The following SSBP2 variants were observed in gnomAD, a reference collection of about 807,000 sequenced individuals.
The protein encoded by SSBP2 is single stranded DNA binding protein 2, also known as single-stranded DNA-binding protein 2.
SSBP2 carries 17 observed loss-of-function variants against 61.8 expected under a neutral mutation model. The ratio of observed to expected loss-of-function variants is 0.28; its 90% confidence interval spans 0.19 to 0.41. The LOEUF is 0.41. Among genes scored for constraint, SSBP2 ranks in the 10% least tolerant of loss-of-function variants. The probability of loss-of-function intolerance (pLI) is 1.00; values close to 1 mark genes in which losing one functional copy is unlikely to be tolerated. For synonymous variants in SSBP2, 139 were observed against 141.3 expected (o/e 0.98, Z 0.12); for missense variants, 310 against 458.7 (o/e 0.68, Z 2.96).
At chr5:81,487,751 C>T (rs1185283359) in intron 6 of SSBP2, among the ~76,000 whole-genome samples, 1 of 151,394 alleles carries the variant, frequency 6.6e-6, no homozygotes, top group Non-Finnish European at 1.5e-5. Context: ...ATGCTTTATT[C>T]TAGATTCCCA....
At chr5:81,622,402 T>C (rs1269060637) in intron 3 of SSBP2, among the ~76,000 whole-genome samples, 2 of 152,180 alleles carry the variant, frequency 1.3e-5, no homozygotes, top group African/African-American at 2.4e-5. Flanking sequence ...GGAAGGTAGA[T>C]TAAGACAAGT....
At chr5:81,523,390 G>T (rs1254176879) in intron 4 of SSBP2, among the ~76,000 whole-genome samples, 3 of 152,082 alleles carry the variant, frequency 2.0e-5, no homozygotes, top group African/African-American at 7.2e-5. Context: ...TAGATAACAA[G>T]AAAGAGTGTA....
At chr5:81,584,531 T>C (rs28416701) in intron 4 of SSBP2, among the ~76,000 whole-genome samples, 14,739 of 152,148 alleles carry the variant, frequency 0.097, 1,415 homozygotes, top group African/African-American at 0.25. Flanking sequence ...CTTATAAAAG[T>C]TGCTCTCCAA....
chr5:81,424,425 A>G (rs1761821859), intron 16 of SSBP2, among the ~76,000 whole-genome samples: 1 of 151,642 alleles, frequency 6.6e-6, no homozygotes. Context: ...CTCTAGTCTC[A>G]AAAATACATA....
chr5:81,528,460 G>C (rs1357107465), intron 4 of SSBP2, among the ~76,000 whole-genome samples: 1 of 151,984 alleles, frequency 6.6e-6, no homozygotes, highest in African/African-American at 2.4e-5. Flanking sequence ...TCAATGTTAA[G>C]TTATGAACAT....
intron 10 of SSBP2, among the ~76,000 whole-genome samples, chr5:81,451,169 C>G (rs534624056): frequency 6.6e-6 from 1 of 152,286 alleles, no homozygotes; most frequent in East Asian, 1.9e-4. Context: ...GAATATTTAA[C>G]AATGGACTCT....
intron 3 of SSBP2, among the ~76,000 whole-genome samples, chr5:81,631,477 GA>G (rs767588950): frequency 0.017 from 2,094 of 125,334 alleles, 38 homozygotes; most frequent in African/African-American, 0.052. Flanking sequence ...AGAAGAAATG[GA>G]AAAAAAAAAA....
chr5:81,673,749 A>T (rs1039647131), intron 1 of SSBP2, among the ~76,000 whole-genome samples: 2 of 152,220 alleles, frequency 1.3e-5, no homozygotes, highest in African/African-American at 2.4e-5. Flanking sequence ...GCTTGGTCTT[A>T]TTTCACATGG....
chr5:81,667,363 C>G (rs985144255), intron 1 of SSBP2, among the ~76,000 whole-genome samples: 2 of 150,818 alleles, frequency 1.3e-5, no homozygotes, highest in East Asian at 3.9e-4. Flanking sequence ...GGTTCCTTTA[C>G]TAGAGCAGGC....
rs1406983631 is a variant in SSBP2, at chr5:81,609,269, CAGCTT to C, written c.282+6199_282+6203del. On this transcript the variant is annotated intron_variant, in intron 4 of 16. Coordinates refer to ENST00000320672, the MANE Select transcript of SSBP2 (RefSeq NM_012446.5). ...ATTTTTCTACTCTAGTTAAACAGCTCAGCTTAGTGTTCCTTAAATATACCTTATAT... is the reference window on the plus strand; with the variant it reads ...ATTTTTCTACTCTAGTTAAACAGCTCAGTGTTCCTTAAATATACCTTATAT... Among the ~76,000 whole-genome samples the C allele has an allele frequency of 2.4e-4, 37 of 152,192 alleles. 1 individual carries two copies. The highest frequency in any genetic ancestry group is 2.4e-3 in the Admixed American group (37 of 15,282).
At chr5:81,640,047 T>A (rs972518463) in intron 2 of SSBP2, among the ~76,000 whole-genome samples, 22 of 152,142 alleles carry the variant, frequency 1.4e-4, no homozygotes, top group African/African-American at 4.6e-4. Context: ...ATAAGAGAAA[T>A]TTTTTGAAGA....
chr5:81,505,298 T>C (rs1768096057), intron 5 of SSBP2, among the ~76,000 whole-genome samples: 1 of 152,206 alleles, frequency 6.6e-6, no homozygotes, highest in Admixed American at 6.5e-5. Context: ...TATCTGGCCT[T>C]TCACAGGAAA....
At chr5:81,688,136 G>A (rs1179763546) in intron 1 of SSBP2, among the ~76,000 whole-genome samples, 2 of 152,170 alleles carry the variant, frequency 1.3e-5, no homozygotes, top group Non-Finnish European at 2.9e-5. Flanking sequence ...GCAGTAGCCA[G>A]GCAGTATTCA....
chr5:81,586,489 GAAGTA>G (rs1775062121), intron 4 of SSBP2, among the ~76,000 whole-genome samples: 1 of 152,044 alleles, frequency 6.6e-6, no homozygotes, highest in Non-Finnish European at 1.5e-5. Flanking sequence ...TCAGTAAAAG[GAAGTA>G]AACTAAAAGA....
At chr5:81,693,084 A>C (rs1753331372) in intron 1 of SSBP2, among the ~76,000 whole-genome samples, 1 of 151,694 alleles carries the variant, frequency 6.6e-6, no homozygotes, top group African/African-American at 2.4e-5. Context: ...ACGCGCCTGT[A>C]GTCCCAGCTA....
At position 81,702,293 on chromosome 5, in the gene SSBP2, C is replaced by T. The variant is rs776567133; in HGVS notation, c.62+48688G>A. 7.8e-4 allele frequency among the ~76,000 whole-genome samples: 119 copies of T among 152,286 alleles called. 1 individual carries two copies. The highest frequency in any genetic ancestry group is 3.4e-3 in the Middle Eastern group (1 of 294). ...GGCTGAGGCAGGGGAATCGCTTGAA[C>T]CCAGGAGTCAGAGGTTCCAGTGAGC... On this transcript the variant is annotated intron_variant, in intron 1 of 16. Transcript: ENST00000320672.
intron 2 of SSBP2, among the ~76,000 whole-genome samples, chr5:81,649,898 A>G (rs1341982647): frequency 6.6e-6 from 1 of 152,180 alleles, no homozygotes; most frequent in African/African-American, 2.4e-5. Flanking sequence ...CAAAATAAAC[A>G]AAATCCACAT....
rs535727966 is a variant in SSBP2 at position 81,591,345 on chromosome 5, T to A, written c.282+24128A>T. 2.6e-5 allele frequency among the ~76,000 whole-genome samples: 4 copies of A among 152,304 alleles called. No individual in the cohort carries two copies. The East Asian group carries it at 7.7e-4, about 29-fold the overall frequency. On this transcript the variant is annotated intron_variant, in intron 4 of 16. Transcript: ENST00000320672. ...TCACTAGGCATAAATAAAATTTACC[T>A]TAGTTCTACTGCTATATAGATGTTA...
chr5:81,613,735 CA>C (rs1350283371), intron 4 of SSBP2, among the ~76,000 whole-genome samples: 1 of 152,042 alleles, frequency 6.6e-6, no homozygotes, highest in Non-Finnish European at 1.5e-5. Flanking sequence ...ACTGACAGGC[CA>C]AATCAAGGCA....
Sources: gnomAD v4.1 joint callset for allele counts (sites outside exome capture counted in the v4.1 genomes callset) on GRCh38, gnomAD v4.1.1 for gene constraint, MANE v1.5 for transcripts, NCBI Gene and HGNC (gene_info 2026-07-23, HGNC 2026-07-21) for gene names.